UHRF2: variants seen among roughly 807,000 people sequenced by gnomAD.
UHRF2 encodes E3 ubiquitin-protein ligase UHRF2.
UHRF2 carries 23 observed loss-of-function variants against 96.8 expected under a neutral mutation model. That is an observed-to-expected ratio of 0.24 (90% CI 0.17 to 0.34). The LOEUF is 0.34. UHRF2 is among the 10% of genes least tolerant of loss of function. UHRF2 has a pLI of 1.00. For synonymous variants in UHRF2, 385 were observed against 332.6 expected (o/e 1.16, Z -1.72); for missense variants, 685 against 981.5 (o/e 0.70, Z 4.04).
chr9:6,431,842 G>T (rs1315005266), intron 2 of UHRF2, among the ~76,000 whole-genome samples: 1 of 152,162 alleles, frequency 6.6e-6, no homozygotes, highest in African/African-American at 2.4e-5. Flanking sequence ...TAAGGTTGAT[G>T]ATATAGCTTA....
intron 1 of UHRF2, among the ~76,000 whole-genome samples, chr9:6,414,843 T>A (rs781051614): frequency 7.9e-5 from 12 of 152,234 alleles, no homozygotes; most frequent in Non-Finnish European, 1.6e-4. Flanking sequence ...TTTAAAATAA[T>A]GTTATAGCAC....
At chr9:6,425,947 C>T (rs1820234754) in intron 2 of UHRF2, among the ~76,000 whole-genome samples, 2 of 152,140 alleles carry the variant, frequency 1.3e-5, no homozygotes, top group Admixed American at 1.3e-4. Flanking sequence ...TACATTATTA[C>T]TTTTCATCTT....
Position 6,504,708 on chromosome 9 carries a change from C to A in UHRF2, c.2262+17C>A, listed in dbSNP as rs376103286. 40 of 1,587,586 alleles carry A rather than the reference C, an allele frequency of 2.5e-5. No homozygotes were observed. The African/African-American group carries it at 5.0e-4, about 20-fold the overall frequency. On this transcript the variant is annotated intron_variant, in intron 15 of 15. Transcript: ENST00000276893. Reference sequence around the variant, plus strand: ...GTCTGTAAAGTAAGTAGAATTCCTTCCTCACTTTCCCTGTTAGGTATGAAG... The same window carrying A: ...GTCTGTAAAGTAAGTAGAATTCCTTACTCACTTTCCCTGTTAGGTATGAAG...
rs1279962740 is a variant in UHRF2, at chr9:6,413,335, G to A, written c.-156G>A. On this transcript the variant is annotated 5_prime_UTR_variant, in exon 1 of 16. Coordinates refer to ENST00000276893, the MANE Select transcript of UHRF2 (RefSeq NM_152896.3). ...GGCGCGCGCGCTGAGAGTCGTCGCC[G>A]CCTGTCGGGCCCGGCGTCCGGTCGG... The A allele has an allele frequency of 3.1e-6, 2 of 651,852 alleles. No individual in the cohort carries two copies. The highest frequency in any genetic ancestry group is 4.1e-6 in the Non-Finnish European group (2 of 491,076). 40.4% of individuals were successfully genotyped at this position (651,852 alleles called of 1,614,324 possible). A position where few individuals can be genotyped will look rare whatever the true frequency, so the allele number is the denominator to read the frequency against.
chr9:6,424,791 T>TC (rs1820150014), intron 2 of UHRF2, among the ~76,000 whole-genome samples: 1 of 151,848 alleles, frequency 6.6e-6, no homozygotes, highest in Admixed American at 6.6e-5. Context: ...TTTTTTTTTT[T>TC]TTCAATTACC....
Position 6,493,923 on chromosome 9 carries a change from A to G in UHRF2, c.1595A>G (p.Asn532Ser). The G allele has an allele frequency of 1.9e-6, 3 of 1,613,760 alleles. No homozygotes were observed. Among genetic ancestry groups the G allele is most frequent in the Non-Finnish European group, 2.5e-6 (3 of 1,179,816 alleles). The change falls in exon 10 of 16, where the codon AAC becomes AGC. Residue 532 changes from asparagine to serine, a missense_variant. By Grantham distance (46) the Asn-to-Ser change is conservative. Around this residue, in one of 6 missense-constraint regions of UHRF2, gnomAD observed 73 missense variants for 283.7 expected, o/e 0.26. Coordinates refer to ENST00000276893, the MANE Select transcript of UHRF2 (RefSeq NM_152896.3). ...CCTTCAGCTGATCAAACATTAACAA[A>G]CATGAACAGGTACTACTATAGACAC... ...GAPSADQTLT[N>S]MNRALALNCD...
Position 6,475,464 on chromosome 9 carries a change from G to T in UHRF2, c.937G>T (p.Ala313Ser). ...AATCTTCAAGATTGAGAGACCTGGAGCCCATCCCCTTTCATTTGCAGATGG... is the reference window on the plus strand; with the variant it reads ...AATCTTCAAGATTGAGAGACCTGGATCCCATCCCCTTTCATTTGCAGATGG... ...DEIFKIERPG[A>S]HPLSFADGKF... The change falls in exon 5 of 16, where the codon GCC becomes TCC. Residue 313 changes from alanine (A) to serine (S), a missense_variant. Physicochemically the swap from Ala to Ser is moderately conservative, Grantham distance 99. Coordinates refer to ENST00000276893, the MANE Select transcript of UHRF2 (RefSeq NM_152896.3). 1 of 1,596,928 alleles carries T rather than the reference G, an allele frequency of 6.3e-7. No homozygotes were observed. Among genetic ancestry groups the T allele is most frequent in the Non-Finnish European group, 8.5e-7 (1 of 1,171,082 alleles).
chr9:6,505,626 A>C (rs1268838497), intron 15 of UHRF2, among the ~76,000 whole-genome samples: 1 of 152,118 alleles, frequency 6.6e-6, no homozygotes, highest in Non-Finnish European at 1.5e-5. Flanking sequence ...GACTCACCAT[A>C]TGTGTTAAGT....
intron 4 of UHRF2, among the ~76,000 whole-genome samples, chr9:6,473,044 A>G (rs1046842537): frequency 1.3e-5 from 2 of 152,230 alleles, no homozygotes; most frequent in Non-Finnish European, 2.9e-5. Flanking sequence ...AAGCTTTCCT[A>G]GTACCTAACT....
chr9:6,506,127 T>A lies in UHRF2; in HGVS notation c.2357T>A (p.Ile786Asn), dbSNP rs758621271. 2.5e-5 allele frequency: 41 copies of A among 1,614,210 alleles called. No homozygotes were observed. Among genetic ancestry groups the A allele is most frequent in the Middle Eastern group, 1.6e-4 (1 of 6,062 alleles). ...GQNYIMIPNE[I>N]LQTLLDLFFP... is the part of the protein sequence containing the mutation. ...AATTACATCATGATTCCCAATGAGA[T>A]TCTGCAGACTCTACTTGACCTTTTC... The change falls in exon 16 of 16, where the codon ATT becomes AAT. Residue 786 changes from isoleucine to asparagine, a missense_variant. By Grantham distance (149) the Ile-to-Asn change is moderately radical (BLOSUM62 -3). Transcript: ENST00000276893.
At chr9:6,465,093 C>T (rs959044112) in intron 4 of UHRF2, among the ~76,000 whole-genome samples, 1 of 152,004 alleles carries the variant, frequency 6.6e-6, no homozygotes, top group African/African-American at 2.4e-5. Flanking sequence ...CAGTTGGGCC[C>T]TGAATTACAT....
intron 9 of UHRF2, among the ~76,000 whole-genome samples, chr9:6,488,724 A>G (rs993777371): frequency 6.7e-6 from 1 of 148,256 alleles, no homozygotes; most frequent in Admixed American, 6.7e-5. Context: ...CTAGTCTGGA[A>G]CTCCTGGCCT....
intron 11 of UHRF2, among the ~76,000 whole-genome samples, chr9:6,497,766 T>C (rs867414256): frequency 7.2e-5 from 11 of 152,320 alleles, no homozygotes; most frequent in Admixed American, 1.3e-4. Context: ...ATCTTTACGA[T>C]ACAAAATTCT....
At chr9:6,469,468 A>G (rs1006591178) in intron 4 of UHRF2, among the ~76,000 whole-genome samples, 3 of 152,040 alleles carry the variant, frequency 2.0e-5, no homozygotes, top group Non-Finnish European at 4.4e-5. Context: ...CAGTGAGCCA[A>G]GATTGCGCCA....
At chr9:6,435,719 A>C (rs1353754810) in intron 3 of UHRF2, among the ~76,000 whole-genome samples, 3 of 152,022 alleles carry the variant, frequency 2.0e-5, no homozygotes, top group Admixed American at 2.0e-4. Context: ...CGATTCTGCT[A>C]CCTCAGCCTC....
At chr9:6,488,540 CTTT>C (rs58280407) in intron 9 of UHRF2, among the ~76,000 whole-genome samples, 5 of 83,822 alleles carry the variant, frequency 6.0e-5, no homozygotes, top group African/African-American at 2.4e-4. Flanking sequence ...TTTTTCTTTT[CTTT>C]TTTTTTTTTT....
intron 3 of UHRF2, 113 bp from the exon 4 acceptor site, chr9:6,460,460 A>G: frequency 1.1e-6 from 1 of 872,328 alleles, no homozygotes; most frequent in South Asian, 1.8e-5. Flanking sequence ...ACTTCAACCT[A>G]TTTTACTCTT....
At chr9:6,494,827 T>C (rs1355839319) in intron 10 of UHRF2, 1 of 152,194 alleles carries the variant, frequency 6.6e-6, no homozygotes, top group East Asian at 1.9e-4. Flanking sequence ...GTAAAGAATA[T>C]ACCAGTATGA....
intron 3 of UHRF2, among the ~76,000 whole-genome samples, chr9:6,437,594 A>G (rs1820927269): frequency 6.6e-6 from 1 of 151,968 alleles, no homozygotes; most frequent in Admixed American, 6.6e-5. Context: ...TCATATAGTT[A>G]TGCTGTAAAT....
Sources: allele counts gnomAD v4.1 joint callset (sites outside exome capture counted in the v4.1 genomes callset), GRCh38; gene constraint gnomAD v4.1.1; regional missense constraint gnomAD v4.1.1; transcripts MANE v1.5; gene names NCBI Gene and HGNC (gene_info 2026-07-23, HGNC 2026-07-21).